RRP9: variants seen among roughly 807,000 people sequenced by gnomAD.
RRP9 encodes U3 small nucleolar RNA-interacting protein 2.
In RRP9, 35 loss-of-function variants were observed where a neutral mutation model predicts 65.5. That is an observed-to-expected ratio of 0.53 (90% CI 0.41 to 0.71). The LOEUF (loss-of-function observed/expected upper bound fraction) is 0.71. Among genes scored for constraint, RRP9 ranks in the 30% least tolerant of loss-of-function variants. The probability of loss-of-function intolerance (pLI) is 0.00; values close to 1 mark genes in which losing one functional copy is unlikely to be tolerated. For synonymous variants in RRP9, 254 were observed against 245.0 expected, an observed-to-expected ratio of 1.04 and a Z score of -0.34; for missense variants, 533 against 633.6, an observed-to-expected ratio of 0.84 and a Z score of 1.70.
rs763355397 is a variant in RRP9 at position 51,935,595 on chromosome 3, G to A, written c.833C>T (p.Thr278Met). ...WNVAENSYVETLFGHQDAVAA... is the reference protein window; with the variant it reads ...WNVAENSYVEMLFGHQDAVAA... The stretch of plus-strand genomic sequence containing the variant: ...ACCCTCTCCCATCCACACTCACAGC[G>A]TCTCCACGTAGGAGTTCTCTGCCAC... Residue 278 changes from threonine to methionine, a missense_variant, in exon 9 of 15, where the codon ACG (threonine) becomes ATG (methionine). By Grantham distance (81) the Thr-to-Met change is moderately conservative. Transcript: ENST00000232888. 1.1e-5 allele frequency: 17 copies of A among 1,613,924 alleles called. No individual in the cohort carries two copies. Among genetic ancestry groups the A allele is most frequent in the Middle Eastern group, 3.3e-4 (2 of 6,082 alleles).
chr3:51,941,325 C>T, intron 2 of RRP9, 84 bp downstream of exon 2: 1 of 1,148,982 alleles, frequency 8.7e-7, no homozygotes, highest in South Asian at 1.2e-5. Context: ...GGATTCTAGG[C>T]TCAGTTCTGT....
chr3:51,933,753 G>C lies in RRP9; in HGVS notation c.1289C>G (p.Ser430Cys). The C allele has an allele frequency of 6.2e-7, 1 of 1,614,116 alleles. No homozygotes were observed. The highest frequency in any genetic ancestry group is 8.5e-7 in the Non-Finnish European group (1 of 1,180,026). The change falls in exon 14 of 15, where the codon TCC becomes TGC. Residue 430 changes from serine to cysteine, a missense_variant. By Grantham distance (112) the Ser-to-Cys change is moderately radical. Around this residue, in one of 3 missense-constraint regions of RRP9, gnomAD observed 449 missense variants for 550.6 expected, o/e 0.82. Coordinates refer to ENST00000232888, the MANE Select transcript of RRP9 (RefSeq NM_004704.5). The part of the protein sequence containing the change: ...LVGFINSLKF[S>C]SSGDFLVAGV... ...AGCCACCAGGAAGTCCCCAGAGCTG[G>C]AGAACTTGAGGCTGTTGATAAAACC...
chr3:51,941,361 C>T (rs369461589), intron 2 of RRP9, 48 bp downstream of exon 2: 1 of 1,481,646 alleles, frequency 6.7e-7, no homozygotes, highest in Non-Finnish European at 9.4e-7. Flanking sequence ...CTTCCGTGCA[C>T]CATGGGACTC....
At position 51,938,983 on chromosome 3, in the gene RRP9, GC is replaced by G. The variant is rs148274671; in HGVS notation, c.171-780del. On this transcript the variant is annotated intron_variant, in intron 2 of 14. Transcript: ENST00000232888. ...TTACGGCTTTCCCCTCCATGCCCCA[GC>G]CCCCGGACCAGCTGAGAGTACTCAC... is the stretch of plus-strand genomic sequence containing the variant. Among the ~76,000 whole-genome samples the G allele has an allele frequency of 2.2e-3, 334 of 152,282 alleles. 3 individuals are homozygous for G. The highest frequency in any genetic ancestry group is 7.2e-3 in the African/African-American group (299 of 41,564).
Position 51,935,214 on chromosome 3 carries a change from C to T in RRP9, c.1017G>A (p.Val339=), listed in dbSNP as rs1699441845. The T allele has an allele frequency of 1.2e-6, 2 of 1,614,068 alleles. No homozygotes were observed. Among genetic ancestry groups the T allele is most frequent in the Admixed American group, 1.7e-5 (1 of 60,010 alleles). Residue 339 remains valine, a synonymous_variant, in exon 11 of 15, where the codon GTG becomes GTA. Transcript: ENST00000232888. The stretch of plus-strand genomic sequence containing the variant: ...CCTCTTACCCATCGTCCGCGCCGGA[C>T]ACCATGTGCTCCTCATTGATTAGGT... ...CIHLINEEHM[V]SGADDGSVAL...
Position 51,937,043 on chromosome 3 carries a change from G to A in RRP9, c.517+149C>T. On this transcript the variant is annotated intron_variant, in intron 6 of 14. Coordinates refer to ENST00000232888, the MANE Select transcript of RRP9 (RefSeq NM_004704.5). The surrounding 1 kb of genome is among the most constrained non-coding windows in gnomAD (Gnocchi z 5.0). ...CCACTGCCGGGCAGCAGCTTTCACTGTCACCCAGAGAGCACTCCTAGGGCA... is the reference window on the plus strand; with the variant it reads ...CCACTGCCGGGCAGCAGCTTTCACTATCACCCAGAGAGCACTCCTAGGGCA... The A allele has an allele frequency of 1.0e-6, 1 of 972,648 alleles. No individual in the cohort carries two copies. The highest frequency in any genetic ancestry group is 2.3e-5 in the Admixed American group (1 of 44,102). 60.3% of individuals were successfully genotyped at this position (972,648 alleles called of 1,614,324 possible).
chr3:51,936,352 G>T lies in RRP9; in HGVS notation c.643-3C>A. ...AGCTTGCTGCGGTCACCAGAGGCCT[G>T]CAGGGATGAAGACAATGATCACAGG... On this transcript the variant is annotated splice_region_variant and splice_polypyrimidine_tract_variant and intron_variant, in intron 7 of 14. Coordinates refer to ENST00000232888, the MANE Select transcript of RRP9 (RefSeq NM_004704.5). 1 of 1,614,198 alleles carries T rather than the reference G, an allele frequency of 6.2e-7. No individual in the cohort carries two copies. Among genetic ancestry groups the T allele is most frequent in the Non-Finnish European group, 8.5e-7 (1 of 1,180,030 alleles).
At position 51,937,274 on chromosome 3, in the gene RRP9, G is replaced by C. The variant is rs774496491; in HGVS notation, c.435C>G (p.His145Gln). 1.2e-6 allele frequency: 2 copies of C among 1,614,170 alleles called. No individual in the cohort carries two copies. The highest frequency in any genetic ancestry group is 1.1e-5 in the South Asian group (1 of 91,088). Residue 145 changes from histidine (H) to glutamine (Q), a missense_variant, in exon 6 of 15, where the codon CAC (histidine) becomes CAG (glutamine). Physicochemically the swap from His to Gln is conservative, Grantham distance 24 (BLOSUM62 0). Transcript: ENST00000232888. The surrounding 1 kb of genome is among the most constrained non-coding windows in gnomAD (Gnocchi z 5.0). ...ASADIRVLRG[H>Q]QLSITCLVVT... Reference sequence around the variant, plus strand: ...CGACCAAACATGTGATAGAGAGCTGGTGCCCCCGTAAAACGCGAATGTCAG... The same window carrying C: ...CGACCAAACATGTGATAGAGAGCTGCTGCCCCCGTAAAACGCGAATGTCAG...
chr3:51,937,557 C>T lies in RRP9; in HGVS notation c.378G>A (p.Leu126=), dbSNP rs1577651346. Residue 126 remains leucine (L), a synonymous_variant, in exon 5 of 15, where the codon TTG becomes TTA. Coordinates refer to ENST00000232888, the MANE Select transcript of RRP9 (RefSeq NM_004704.5). The surrounding 1 kb of genome is among the most constrained non-coding windows in gnomAD (Gnocchi z 5.0). ...VLEQRGRLQK[L]VAKEIQAPAS... ...CATGCCCACTCACCTCTTTTGCCAC[C>T]AACTTCTGCAGCCTGCCCCTCTGCT... The T allele has an allele frequency of 6.2e-7, 1 of 1,614,210 alleles. No individual in the cohort carries two copies. Among genetic ancestry groups the T allele is most frequent in the South Asian group, 1.1e-5 (1 of 91,088 alleles).
chr3:51,938,304 A>G, intron 2 of RRP9, 100 bp from the exon 3 acceptor site: 1 of 826,134 alleles, frequency 1.2e-6, no homozygotes. Flanking sequence ...AACCTCCCCT[A>G]TTCCCTGCTA....
chr3:51,937,692 C>A lies in RRP9; in HGVS notation c.325G>T (p.Ala109Ser), dbSNP rs1046308991. 1.2e-6 allele frequency: 2 copies of A among 1,614,206 alleles called. No homozygotes were observed. Among genetic ancestry groups the A allele is most frequent in the Non-Finnish European group, 8.5e-7 (1 of 1,180,040 alleles). The change falls in exon 4 of 15, where the codon GCG (alanine) becomes TCG (serine). Residue 109 changes from alanine (A) to serine (S), a missense_variant. Physicochemically the swap from Ala to Ser is moderately conservative, Grantham distance 99 (BLOSUM62 1). Transcript: ENST00000232888. The surrounding 1 kb of genome is among the most constrained non-coding windows in gnomAD (Gnocchi z 5.0). ...EARAFEEDQV[A>S]GRLKEDVLEQ... ...ACCACATCCTCCTTCAGGCGCCCCG[C>A]CACCTGGTCCTCCTCAAATGCACGG...
At chr3:51,936,674 G>T in intron 6 of RRP9, 119 bp from the exon 7 acceptor site, 1 of 1,134,344 alleles carries the variant, frequency 8.8e-7, no homozygotes, top group Non-Finnish European at 1.3e-6. Context: ...TCGGCCAGAA[G>T]ACCTGGCTCA....
intron 2 of RRP9, among the ~76,000 whole-genome samples, chr3:51,940,005 C>T (rs749550442): frequency 3.3e-5 from 5 of 152,184 alleles, no homozygotes; most frequent in Non-Finnish European, 7.3e-5. Flanking sequence ...GCCTATAATC[C>T]CAGCACTCTG....
chr3:51,936,584 T>A (rs1005697842), intron 6 of RRP9, 29 bp from the exon 7 acceptor site: 2 of 1,606,526 alleles, frequency 1.2e-6, no homozygotes, highest in African/African-American at 2.7e-5. Context: ...GAGAAGCTAC[T>A]GGGATGGGGG....
In RRP9 at chr3:51,936,354, A is replaced by G; in HGVS notation, c.643-5T>C. 2 of 1,614,216 alleles carry G rather than the reference A, an allele frequency of 1.2e-6. No individual in the cohort carries two copies. Among genetic ancestry groups the G allele is most frequent in the Non-Finnish European group, 1.7e-6 (2 of 1,180,046 alleles). On this transcript the variant is annotated splice_region_variant and splice_polypyrimidine_tract_variant and intron_variant, in intron 7 of 14. Transcript: ENST00000232888. ...CTTGCTGCGGTCACCAGAGGCCTGCAGGGATGAAGACAATGATCACAGGCA... is the reference window on the plus strand; with the variant it reads ...CTTGCTGCGGTCACCAGAGGCCTGCGGGGATGAAGACAATGATCACAGGCA...
chr3:51,941,608 G>A, intron 1 of RRP9, 117 bp from the exon 2 acceptor site: 7 of 1,165,788 alleles, frequency 6.0e-6, no homozygotes, highest in Middle Eastern at 2.3e-4. Flanking sequence ...GGTGGTTCCC[G>A]GGTTAAGCGA....
intron 11 of RRP9, 78 bp downstream of exon 11, chr3:51,935,119 A>T: frequency 2.0e-5 from 28 of 1,422,154 alleles, no homozygotes; most frequent in Non-Finnish European, 2.8e-5. Flanking sequence ...GGGTGCCCTG[A>T]GGCAAGCTCA....
chr3:51,937,386 C>G lies in RRP9; in HGVS notation c.391-68G>C, dbSNP rs953514392. ...GGCACTACCTTCACCAACCCCACTG[C>G]GTAGTGTTGGCCTTTCCCACCCAGG... On this transcript the variant is annotated intron_variant, in intron 5 of 14. Coordinates refer to ENST00000232888, the MANE Select transcript of RRP9 (RefSeq NM_004704.5). The surrounding 1 kb of genome is among the most constrained non-coding windows in gnomAD (Gnocchi z 5.0). The G allele has an allele frequency of 3.9e-5, 62 of 1,607,686 alleles. No homozygotes were observed. The African/African-American group carries it at 7.8e-4, about 20-fold the overall frequency.
In RRP9 at chr3:51,936,293, G is replaced by C. The variant is rs907591099; in HGVS notation, c.699C>G (p.His233Gln). 5.0e-6 allele frequency: 8 copies of C among 1,614,078 alleles called. No homozygotes were observed. The highest frequency in any genetic ancestry group is 6.8e-6 in the Non-Finnish European group (8 of 1,180,044). ...CCCGGTGTCCTGTGAAGGTGTACAA[G>C]TGCTGGCAGCTCTGGGCCTCCCAAA... ...ILIWEAQSCQ[H>Q]LYTFTGHRDA... The change falls in exon 8 of 15, where the codon CAC becomes CAG. Residue 233 changes from histidine (H) to glutamine (Q), a missense_variant. His to Gln is a conservative substitution (Grantham distance 24, BLOSUM62 0). Transcript: ENST00000232888.
Sources: allele counts gnomAD v4.1 joint callset (sites outside exome capture counted in the v4.1 genomes callset), GRCh38; gene constraint gnomAD v4.1.1; regional missense constraint gnomAD v4.1.1; non-coding constraint Gnocchi (gnomAD v3.1); transcripts MANE v1.5; gene names NCBI Gene and HGNC (gene_info 2026-07-23, HGNC 2026-07-21).